BBS7: variants seen among roughly 807,000 people sequenced by gnomAD.
BBS7 encodes BBSome complex member BBS7.
BBS7 carries 50 observed loss-of-function variants against 90.3 expected under a neutral mutation model. That is an observed-to-expected ratio of 0.55 (90% CI 0.44 to 0.70). BBS7 has a LOEUF of 0.70. BBS7 is among the 30% of genes least tolerant of loss of function. The pLI, the probability that BBS7 is intolerant of heterozygous loss-of-function variation, is 0.00. For missense variants in BBS7, 729 were observed against 838.9 expected, an observed-to-expected ratio of 0.87 and a Z score of 1.62; for synonymous variants, 235 against 287.4, an observed-to-expected ratio of 0.82 and a Z score of 1.85.
At chr4:121,853,347 T>C (rs1477626446) in intron 7 of BBS7, among the ~76,000 whole-genome samples, 2 of 152,112 alleles carry the variant, frequency 1.3e-5, no homozygotes, top group Admixed American at 6.6e-5. Flanking sequence ...TTCAATTTGG[T>C]ATCTTCTCAC....
intron 8 of BBS7, 111 bp from the exon 9 acceptor site, chr4:121,849,039 T>C (rs1342525213): frequency 9.1e-6 from 7 of 770,226 alleles, no homozygotes; most frequent in Non-Finnish European, 1.6e-5. Flanking sequence ...ATATATTTAC[T>C]GAATGTTTAT....
intron 1 of BBS7, 134 bp from the exon 2 acceptor site, chr4:121,868,180 TGAG>T (rs1327518165): frequency 1.3e-6 from 1 of 765,056 alleles, no homozygotes; most frequent in Non-Finnish European, 2.3e-6. Flanking sequence ...TATTTTCTAA[TGAG>T]ATATGTCATA....
rs1724882442 is a variant in BBS7, at chr4:121,825,904, T to C, written c.2104A>G (p.Ser702Gly). The change falls in exon 19 of 19, where the codon AGT (serine) becomes GGT (glycine). Residue 702 changes from serine to glycine, a missense_variant. Coordinates refer to ENST00000264499, the MANE Select transcript of BBS7 (RefSeq NM_176824.3). ...GAAATCAATGCATTTTGGTCATAAC[T>C]GTCCAGAATTTCCAATAGAAGGGGT... ...KVPLLLEILD[S>G]YDQNALISFF... 1.1e-5 allele frequency: 17 copies of C among 1,613,120 alleles called. No individual in the cohort carries two copies. Among genetic ancestry groups the C allele is most frequent in the Non-Finnish European group, 1.4e-5 (17 of 1,179,540 alleles).
chr4:121,861,711 A>G (rs1290613532), intron 3 of BBS7, 32 bp from the exon 4 acceptor site: 2 of 1,610,922 alleles, frequency 1.2e-6, no homozygotes, highest in Non-Finnish European at 1.7e-6. Flanking sequence ...AAAAGTACAC[A>G]AATTACTTTA....
intron 5 of BBS7, 21 bp from the exon 6 acceptor site, chr4:121,855,582 A>C (rs1726567280): frequency 6.2e-7 from 1 of 1,601,562 alleles, no homozygotes; most frequent in South Asian, 1.1e-5. Flanking sequence ...AGTATTTAAA[A>C]ACTGAAACAG....
Position 121,859,281 on chromosome 4 carries a change from T to C in BBS7, c.342-103A>G, listed in dbSNP as rs1726851456. ...TATACAGTTTACTAACATTTTATTA[T>C]AGACTTAGAGAACACAGTTTTTAAA... On this transcript the variant is annotated intron_variant, in intron 4 of 18. Transcript: ENST00000264499. The C allele has an allele frequency of 3.8e-5, 39 of 1,030,574 alleles. 2 individuals are homozygous for C. The South Asian group carries it at 5.1e-4, about 14-fold the overall frequency. The allele number at this position is 1,030,574 out of a possible 1,614,324, so 63.8% of individuals were successfully genotyped here.
intron 12 of BBS7, among the ~76,000 whole-genome samples, chr4:121,841,917 T>C (rs1725759009): frequency 2.0e-5 from 3 of 152,166 alleles, no homozygotes; most frequent in Admixed American, 2.0e-4. Flanking sequence ...ACAACTGTTA[T>C]AAAATCGCTT....
chr4:121,860,653 A>G lies in BBS7; in HGVS notation c.341+851T>C, dbSNP rs555252729. The stretch of plus-strand genomic sequence containing the variant: ...CATGTCTATATACAAGTGTATTTCA[A>G]AAGTGTTACTATTCTTGTTAAACCA... On this transcript the variant is annotated intron_variant, in intron 4 of 18. Transcript: ENST00000264499. 2.0e-5 allele frequency among the ~76,000 whole-genome samples: 3 copies of G among 152,312 alleles called. No homozygotes were observed. The East Asian group carries it at 5.8e-4, about 29-fold the overall frequency.
intron 13 of BBS7, among the ~76,000 whole-genome samples, chr4:121,835,569 C>A (rs1725411976): frequency 6.6e-6 from 1 of 151,846 alleles, no homozygotes. Context: ...AACATTTGAC[C>A]TAAGTGGGAA....
chr4:121,832,359 AAAAC>A (rs1469798544), intron 15 of BBS7, among the ~76,000 whole-genome samples: 1 of 152,068 alleles, frequency 6.6e-6, no homozygotes, highest in Non-Finnish European at 1.5e-5. Context: ...CAACAACAAA[AAAAC>A]AAAAACAAAA....
In BBS7 at chr4:121,870,203, G is replaced by A. The variant is rs1192058753; in HGVS notation, c.36+75C>T. On this transcript the variant is annotated intron_variant, in intron 1 of 18. Transcript: ENST00000264499. ...CCAGCTCCTGGCGACCGAGACTTTC[G>A]TCAGTGGAAGGAAGGAATCCTCTCC... The A allele has an allele frequency of 3.8e-6, 6 of 1,594,170 alleles. No homozygotes were observed. The African/African-American group carries it at 5.4e-5, about 14-fold the overall frequency.
rs199812109 is a variant in BBS7 at position 121,839,691 on chromosome 4, G to A, written c.1311C>T (p.Asn437=). Residue 437 remains asparagine (N), a synonymous_variant, in exon 13 of 19, where the codon AAC becomes AAT. Coordinates refer to ENST00000264499, the MANE Select transcript of BBS7 (RefSeq NM_176824.3). ...GATAAGTGGCAAGAAGGAAGTTGTC[G>A]TTTGACTGGGAAGAATACAAAGTGG... ...VSFSSCDSES[N]DNFLLATYRC... 194 of 1,613,206 alleles carry A rather than the reference G, an allele frequency of 1.2e-4. No individual in the cohort carries two copies. The East Asian group carries it at 3.1e-3, about 26-fold the overall frequency.
chr4:121,865,700 T>A (rs1727231389), intron 2 of BBS7, among the ~76,000 whole-genome samples: 1 of 152,232 alleles, frequency 6.6e-6, no homozygotes, highest in Admixed American at 6.5e-5. Flanking sequence ...CTCTTTGATA[T>A]GATGATTTCC....
chr4:121,857,600 T>C (rs1035028732), intron 5 of BBS7, among the ~76,000 whole-genome samples: 1 of 152,090 alleles, frequency 6.6e-6, no homozygotes, highest in African/African-American at 2.4e-5. Flanking sequence ...AGACTTCAAC[T>C]TTATTTTCTA....
intron 11 of BBS7, 59 bp from the exon 12 acceptor site, chr4:121,844,060 A>C: frequency 9.2e-7 from 1 of 1,090,086 alleles, no homozygotes; most frequent in Non-Finnish European, 1.4e-6. Context: ...ATGTTCATAA[A>C]TTATGTTTTC....
intron 5 of BBS7, among the ~76,000 whole-genome samples, chr4:121,856,871 G>A (rs549741832): frequency 6.6e-5 from 10 of 151,560 alleles, no homozygotes; most frequent in Non-Finnish European, 1.0e-4. Context: ...CCGGGTTTAA[G>A]TGATTCTCCT....
intron 1 of BBS7, among the ~76,000 whole-genome samples, chr4:121,868,775 GA>G (rs1269670039): frequency 6.8e-6 from 1 of 146,334 alleles, no homozygotes; most frequent in Non-Finnish European, 1.5e-5. Context: ...TCTAACAGGT[GA>G]AGATTATTTT....
chr4:121,844,691 A>G (rs1725916782), intron 11 of BBS7, among the ~76,000 whole-genome samples: 1 of 152,108 alleles, frequency 6.6e-6, no homozygotes, highest in African/African-American at 2.4e-5. Context: ...TCTAATTTAA[A>G]TAAGTCAGTA....
intron 15 of BBS7, among the ~76,000 whole-genome samples, chr4:121,829,408 C>T (rs1725066408): frequency 1.3e-5 from 2 of 152,056 alleles, no homozygotes; most frequent in South Asian, 2.1e-4. Flanking sequence ...CTAATGTTTT[C>T]GTATTTTGAG....
Sources: allele counts gnomAD v4.1 joint callset (sites outside exome capture counted in the v4.1 genomes callset), GRCh38; gene constraint gnomAD v4.1.1; transcripts MANE v1.5; gene names NCBI Gene and HGNC (gene_info 2026-07-23, HGNC 2026-07-21).